NUSAP1: variants seen among roughly 807,000 people sequenced by gnomAD.
The protein encoded by NUSAP1 is nucleolar and spindle-associated protein 1.
Under a neutral mutation model 52.8 loss-of-function variants are expected in NUSAP1, and 32 were observed. That is an observed-to-expected ratio of 0.61 (90% CI 0.46 to 0.81). The LOEUF (loss-of-function observed/expected upper bound fraction) is 0.81. Ranked by LOEUF, NUSAP1 falls within the 40% of genes least tolerant of loss-of-function variation. The probability of loss-of-function intolerance (pLI) is 0.00; values close to 1 mark genes in which losing one functional copy is unlikely to be tolerated. For missense variants in NUSAP1, 499 were observed against 522.3 expected (o/e 0.96, Z 0.43); for synonymous variants, 195 against 183.1 (o/e 1.06, Z -0.52).
intron 1 of NUSAP1, among the ~76,000 whole-genome samples, chr15:41,333,935 A>T (rs1027639287): frequency 6.6e-6 from 1 of 152,130 alleles, no homozygotes; most frequent in African/African-American, 2.4e-5. Flanking sequence ...ACAAACAAAA[A>T]ACCCAAGATG....
chr15:41,342,597 G>C, intron 2 of NUSAP1, 143 bp downstream of exon 2: 1 of 620,144 alleles, frequency 1.6e-6, no homozygotes, highest in Non-Finnish European at 2.8e-6. Flanking sequence ...TAGCACTTTG[G>C]TAGGCAGTGG....
chr15:41,343,683 G>A (rs2048449277), intron 2 of NUSAP1, among the ~76,000 whole-genome samples: 2 of 151,188 alleles, frequency 1.3e-5, no homozygotes, highest in African/African-American at 2.4e-5. Flanking sequence ...TAGAGATGGG[G>A]TTTCACCATG....
At position 41,365,387 on chromosome 15, in the gene NUSAP1, G is replaced by A; in HGVS notation, c.661-15G>A. The A allele has an allele frequency of 6.3e-7, 1 of 1,586,228 alleles. No homozygotes were observed. Among genetic ancestry groups the A allele is most frequent in the Non-Finnish European group, 8.6e-7 (1 of 1,162,976 alleles). ...GGAGAGGCCAAGCTTTTAAAATGATGCATTTTCTCTTCAGCAGCAGCCCAT... is the reference window on the plus strand; with the variant it reads ...GGAGAGGCCAAGCTTTTAAAATGATACATTTTCTCTTCAGCAGCAGCCCAT... On this transcript the variant is annotated splice_polypyrimidine_tract_variant and intron_variant, in intron 6 of 10. Coordinates refer to ENST00000559596, the MANE Select transcript of NUSAP1 (RefSeq NM_016359.5).
intron 8 of NUSAP1, among the ~76,000 whole-genome samples, chr15:41,373,650 G>A (rs886163898): frequency 5.3e-5 from 8 of 151,764 alleles, no homozygotes; most frequent in African/African-American, 9.7e-5. Flanking sequence ...GGGTGTCACC[G>A]TATTGGCCAG....
chr15:41,364,555 A>AAAAG (rs200267700), intron 6 of NUSAP1, among the ~76,000 whole-genome samples: 1,676 of 152,202 alleles, frequency 0.011, 38 homozygotes, highest in African/African-American at 0.039. Flanking sequence ...CATTTAAAAA[A>AAAAG]AAAGAAAGAA....
chr15:41,370,704 C>T (rs1280801585), intron 7 of NUSAP1, among the ~76,000 whole-genome samples: 1 of 148,068 alleles, frequency 6.8e-6, no homozygotes, highest in Non-Finnish European at 1.5e-5. Context: ...GACCCAACAT[C>T]GCACCATTGC....
At chr15:41,355,422 C>T (rs938777403) in intron 4 of NUSAP1, among the ~76,000 whole-genome samples, 42 of 151,982 alleles carry the variant, frequency 2.8e-4, no homozygotes, top group Middle Eastern at 3.2e-3. Context: ...CCACCCGCCT[C>T]GGCCTCCCAA....
Position 41,356,092 on chromosome 15 carries a change from G to A in NUSAP1, c.502G>A (p.Glu168Lys). ...SEGKKSLYTD[E>K]SSKPGKNKRT... is the part of the protein sequence containing the mutation. ...AGGAAAGAAATCTCTCTACACAGAT[G>A]AGTCATCCAAACCTGGAAAAAATAA... The change falls in exon 5 of 11, where the codon GAG becomes AAG. Residue 168 changes from glutamate to lysine, a missense_variant. Transcript: ENST00000559596. The A allele has an allele frequency of 6.2e-7, 1 of 1,609,218 alleles. No homozygotes were observed. Among genetic ancestry groups the A allele is most frequent in the Non-Finnish European group, 8.5e-7 (1 of 1,177,788 alleles).
chr15:41,339,003 A>T (rs930996331), intron 1 of NUSAP1, among the ~76,000 whole-genome samples: 6 of 152,068 alleles, frequency 3.9e-5, no homozygotes, highest in African/African-American at 1.4e-4. Context: ...CTTTCTGCTC[A>T]GTGCCCTCCA....
At chr15:41,357,548 A>T (rs1041196021) in intron 5 of NUSAP1, among the ~76,000 whole-genome samples, 5 of 151,488 alleles carry the variant, frequency 3.3e-5, no homozygotes, top group African/African-American at 1.2e-4. Context: ...GGTTCAAGCG[A>T]TTCTCCTGCC....
intron 1 of NUSAP1, among the ~76,000 whole-genome samples, chr15:41,341,411 T>G (rs1379966726): frequency 6.6e-6 from 1 of 152,100 alleles, no homozygotes; most frequent in Non-Finnish European, 1.5e-5. Context: ...CAAATTAACA[T>G]TGTTCTTTCA....
intron 7 of NUSAP1, among the ~76,000 whole-genome samples, chr15:41,368,598 A>G (rs1226866858): frequency 6.6e-6 from 1 of 152,116 alleles, no homozygotes; most frequent in Non-Finnish European, 1.5e-5. Context: ...AAGTCTTCAG[A>G]TTACTTCTAA....
In NUSAP1 at chr15:41,375,030, A is replaced by C. The variant is rs569537366; in HGVS notation, c.1007-682A>C. ...CTAATTTTTTTTTTTTCCCTCTCTG[A>C]GATGGAGTCTTGCTCTGTCACCAGG... On this transcript the variant is annotated intron_variant, in intron 8 of 10. Coordinates refer to ENST00000559596, the MANE Select transcript of NUSAP1 (RefSeq NM_016359.5). Among the ~76,000 whole-genome samples, 4 of 134,256 alleles carry C rather than the reference A, an allele frequency of 3.0e-5. No individual in the cohort carries two copies. The East Asian group carries it at 7.0e-4, about 23-fold the overall frequency. 88.1% of individuals were successfully genotyped at this position (134,256 alleles called of 152,430 possible). A position where few individuals can be genotyped will look rare whatever the true frequency, so the allele number is the denominator to read the frequency against.
At chr15:41,342,190 T>C (rs1183076082) in intron 1 of NUSAP1, among the ~76,000 whole-genome samples, 196 bp from the exon 2 acceptor site, 1 of 152,192 alleles carries the variant, frequency 6.6e-6, no homozygotes, top group Non-Finnish European at 1.5e-5. Flanking sequence ...TGTATTGCAA[T>C]TGCCTCTTTC....
At position 41,375,770 on chromosome 15, in the gene NUSAP1, A is replaced by G. The variant is rs111737116; in HGVS notation, c.1065A>G (p.Lys355=). Residue 355 remains lysine (K), a synonymous_variant, in exon 9 of 11, where the codon AAA becomes AAG. Transcript: ENST00000559596. The stretch of plus-strand genomic sequence containing the variant: ...CGCAGACTCCAGTCTCCAATAAGAA[A>G]CCAGTGTTTGATCTTAAAGCAAGTT... ...EATQTPVSNK[K]PVFDLKASLS... is the part of the protein sequence containing the mutation. 3,535 of 1,613,878 alleles carry G rather than the reference A, an allele frequency of 2.2e-3. 5 individuals carry two copies. The highest frequency in any genetic ancestry group is 2.7e-3 in the Non-Finnish European group (3,167 of 1,179,792).
intron 8 of NUSAP1, among the ~76,000 whole-genome samples, chr15:41,373,151 TA>T (rs1395853738): frequency 6.6e-6 from 1 of 150,754 alleles, no homozygotes; most frequent in African/African-American, 2.4e-5. Flanking sequence ...GCAAAAAGGC[TA>T]ACTAAACTAC....
chr15:41,377,068 G>A, intron 9 of NUSAP1, 128 bp from the exon 10 acceptor site: 1 of 573,816 alleles, frequency 1.7e-6, no homozygotes, highest in South Asian at 2.0e-5. Context: ...GCGACAGAGT[G>A]AGATTCTGTC....
chr15:41,373,443 A>C (rs8023925), intron 8 of NUSAP1, among the ~76,000 whole-genome samples: 5,498 of 144,572 alleles, frequency 0.038, 228 homozygotes, highest in African/African-American at 0.099. Flanking sequence ...GCAAAAATTC[A>C]TATTCTTTTT....
At chr15:41,355,547 C>T (rs2048933698) in intron 4 of NUSAP1, among the ~76,000 whole-genome samples, 1 of 152,134 alleles carries the variant, frequency 6.6e-6, no homozygotes, top group African/African-American at 2.4e-5. Flanking sequence ...AAGCATATGA[C>T]CTGTAATCGT....
Sources: gnomAD v4.1 joint callset for allele counts (sites outside exome capture counted in the v4.1 genomes callset) on GRCh38, gnomAD v4.1.1 for gene constraint, MANE v1.5 for transcripts, NCBI Gene and HGNC (gene_info 2026-07-23, HGNC 2026-07-21) for gene names.